Variants in SVOPL observed in about 807,000 individuals in gnomAD.
SVOPL encodes SVOP like, also known as putative transporter SVOPL.
A neutral mutation model predicts 61.0 loss-of-function variants in SVOPL; 60 were observed. That is an observed-to-expected ratio of 0.98 (90% CI 0.80 to 1.22). The LOEUF is 1.22. Ranked by LOEUF, SVOPL falls within the 50% of genes most tolerant of loss-of-function variation. SVOPL has a pLI of 0.00. For missense variants in SVOPL, 662 were observed against 643.9 expected, an observed-to-expected ratio of 1.03 and a Z score of -0.30; for synonymous variants, 279 against 250.0, an observed-to-expected ratio of 1.12 and a Z score of -1.09.
intron 9 of SVOPL, among the ~76,000 whole-genome samples, chr7:138,641,190 C>A (rs978043906): frequency 1.4e-5 from 2 of 146,176 alleles, no homozygotes; most frequent in African/African-American, 2.5e-5. Context: ...CAGAGTGAGA[C>A]CCCATCACAA....
rs146127387 is a variant in SVOPL, at chr7:138,678,982, C to T, written c.64G>A (p.Ala22Thr). ...ATCTCACCTTTAACCTGTGGCTCTG[C>T]GGTCCCCAGGCTCAATTTCCGAAGG... The part of the protein sequence containing the change: ...LSLRKLSLGT[A>T]EPQVKEPKTF... Residue 22 changes from alanine (A) to threonine (T), a missense_variant, in exon 2 of 16, where the codon GCA becomes ACA. By Grantham distance (58) the Ala-to-Thr change is moderately conservative (BLOSUM62 0). Transcript: ENST00000674285. The T allele has an allele frequency of 3.9e-5, 61 of 1,551,468 alleles. No individual in the cohort carries two copies. In the East Asian group the frequency reaches 1.1e-3, roughly 29 times the overall value.
chr7:138,632,491 G>A (rs1239657660), intron 9 of SVOPL, among the ~76,000 whole-genome samples: 1 of 152,128 alleles, frequency 6.6e-6, no homozygotes, highest in Non-Finnish European at 1.5e-5. Flanking sequence ...ATGATGGATG[G>A]GGGCCGCAAG....
intron 6 of SVOPL, among the ~76,000 whole-genome samples, chr7:138,659,119 C>T (rs1801884841): frequency 6.6e-6 from 1 of 152,140 alleles, no homozygotes; most frequent in Admixed American, 6.6e-5. Context: ...CATGATAAAA[C>T]CTTGGTTGTG....
Position 138,627,442 on chromosome 7 carries a change from C to T in SVOPL, c.1089G>A (p.Leu363=). The part of the protein sequence containing the change: ...GEIALNPLNI[L]GINFLGRRLS... ...GCCGTCTTCCCAGGAAATTGATGCC[C>T]AGTATATTTAAAGGATTCACTAGAA... Residue 363 remains leucine (L), a synonymous_variant, in exon 12 of 16, where the codon CTG becomes CTA. Transcript: ENST00000674285. The T allele has an allele frequency of 6.2e-7, 1 of 1,613,516 alleles. No homozygotes were observed. The highest frequency in any genetic ancestry group is 8.5e-7 in the Non-Finnish European group (1 of 1,179,562).
At chr7:138,608,441 C>T (rs1020985758) in intron 14 of SVOPL, among the ~76,000 whole-genome samples, 1 of 152,160 alleles carries the variant, frequency 6.6e-6, no homozygotes, top group Non-Finnish European at 1.5e-5. Flanking sequence ...ACATTTCTAA[C>T]CTATGAGTAA....
chr7:138,654,255 A>C (rs1051634435), intron 7 of SVOPL, among the ~76,000 whole-genome samples: 4 of 152,196 alleles, frequency 2.6e-5, no homozygotes, highest in African/African-American at 7.2e-5. Flanking sequence ...TGTACATTTC[A>C]AAATAGCTAG....
At chr7:138,689,856 CA>C (rs71520015) in intron 1 of SVOPL, among the ~76,000 whole-genome samples, 136 of 106,514 alleles carry the variant, frequency 1.3e-3, no homozygotes, top group Middle Eastern at 4.8e-3. Flanking sequence ...GACTCCGTCT[CA>C]AAAAAAAAAA....
At chr7:138,658,038 A>C (rs1005275054) in intron 6 of SVOPL, among the ~76,000 whole-genome samples, 1 of 152,214 alleles carries the variant, frequency 6.6e-6, no homozygotes, top group Non-Finnish European at 1.5e-5. Context: ...AGTGAAGACA[A>C]TCAGAGCTCG....
intron 13 of SVOPL, 149 bp downstream of exon 13, chr7:138,625,820 T>C (rs940837255): frequency 7.1e-6 from 5 of 700,414 alleles, no homozygotes; most frequent in Non-Finnish European, 6.9e-6. Context: ...GAAATTCATA[T>C]CAAATAAACT....
At chr7:138,670,965 A>T (rs1285527400) in intron 4 of SVOPL, among the ~76,000 whole-genome samples, 1 of 152,240 alleles carries the variant, frequency 6.6e-6, no homozygotes, top group African/African-American at 2.4e-5. Flanking sequence ...TAGAAGGTGA[A>T]CTTTCATACC....
chr7:138,635,186 C>A (rs992308267), intron 9 of SVOPL, among the ~76,000 whole-genome samples: 3 of 151,548 alleles, frequency 2.0e-5, no homozygotes, highest in African/African-American at 7.3e-5. Flanking sequence ...GCAGGAAAAT[C>A]GCTTGAACCC....
intron 4 of SVOPL, chr7:138,663,626 TC>T (rs1281839955): frequency 1.0e-6 from 1 of 983,804 alleles, no homozygotes; most frequent in Admixed American, 6.1e-5. Flanking sequence ...TACACCTACT[TC>T]TTTTCCTTAC....
chr7:138,657,122 C>T (rs1194442288), intron 6 of SVOPL, among the ~76,000 whole-genome samples: 2 of 148,182 alleles, frequency 1.3e-5, no homozygotes, highest in African/African-American at 2.5e-5. Flanking sequence ...GCCTGATTCC[C>T]TTTTCTTATT....
At chr7:138,626,099 C>T in intron 12 of SVOPL, 49 bp from the exon 13 acceptor site, 1 of 1,551,380 alleles carries the variant, frequency 6.4e-7, no homozygotes, top group South Asian at 1.1e-5. Flanking sequence ...CATGGAGGAC[C>T]ACCTCCAGTG....
intron 9 of SVOPL, among the ~76,000 whole-genome samples, chr7:138,634,529 T>G (rs1047758768): frequency 6.6e-6 from 1 of 151,210 alleles, no homozygotes; most frequent in South Asian, 2.1e-4. Flanking sequence ...GCACCTATAG[T>G]CCCAGCTATT....
At chr7:138,629,338 C>A (rs1254395611) in intron 10 of SVOPL, among the ~76,000 whole-genome samples, 1 of 151,288 alleles carries the variant, frequency 6.6e-6, no homozygotes, top group Non-Finnish European at 1.5e-5. Flanking sequence ...TCAAGAGATT[C>A]TCCTGCCTCA....
At chr7:138,654,309 T>C (rs1411209874) in intron 7 of SVOPL, among the ~76,000 whole-genome samples, 1 of 152,200 alleles carries the variant, frequency 6.6e-6, no homozygotes, top group Non-Finnish European at 1.5e-5. Flanking sequence ...AGAGATAAGA[T>C]GATGTATATC....
chr7:138,644,659 G>A (rs909551572), intron 9 of SVOPL, 58 bp downstream of exon 9: 25 of 1,594,564 alleles, frequency 1.6e-5, no homozygotes, highest in Middle Eastern at 1.9e-4. Flanking sequence ...TTCCACAACT[G>A]AGGGGATTTC....
intron 14 of SVOPL, among the ~76,000 whole-genome samples, chr7:138,611,878 A>C (rs1454475181): frequency 1.6e-4 from 12 of 75,822 alleles, no homozygotes; most frequent in East Asian, 3.6e-4. Flanking sequence ...CCCGGCCGCC[A>C]CCCCGTCTGG....
Sources: allele counts gnomAD v4.1 joint callset (sites outside exome capture counted in the v4.1 genomes callset), GRCh38; gene constraint gnomAD v4.1.1; transcripts MANE v1.5; gene names NCBI Gene and HGNC (gene_info 2026-07-23, HGNC 2026-07-21).